The following CPNE8 variants were observed in gnomAD, a reference collection of about 807,000 sequenced individuals.
The protein encoded by CPNE8 is copine-8.
Under a neutral mutation model 81.5 loss-of-function variants are expected in CPNE8, and 45 were observed. That is an observed-to-expected ratio of 0.55 (90% CI 0.44 to 0.71). The LOEUF is 0.71. Ranked by LOEUF, CPNE8 falls within the 30% of genes least tolerant of loss-of-function variation. The pLI is 0.00. For synonymous variants in CPNE8, 252 were observed against 226.3 expected, an observed-to-expected ratio of 1.11 and a Z score of -1.02; for missense variants, 594 against 672.1, an observed-to-expected ratio of 0.88 and a Z score of 1.28.
intron 3 of CPNE8, among the ~76,000 whole-genome samples, chr12:38,869,620 G>A (rs1015637936): frequency 9.2e-5 from 14 of 152,214 alleles, no homozygotes; most frequent in African/African-American, 3.1e-4. Context: ...CAAAATGCTT[G>A]TCTCTTGCAT....
In CPNE8 at chr12:38,752,477, T is replaced by C. The variant is rs376141619; in HGVS notation, c.722+8370A>G. Among the ~76,000 whole-genome samples the C allele has an allele frequency of 7.7e-4, 117 of 152,238 alleles. 2 individuals are homozygous for C. In the South Asian group the frequency reaches 0.023, roughly 30 times the overall value. The stretch of plus-strand genomic sequence containing the variant: ...CCTGGGCCACCCCATAATTCAGCAA[T>C]TAAAAAGCTGGCTCTGGCAAAGAAA... On this transcript the variant is annotated intron_variant, in intron 10 of 19. Coordinates refer to ENST00000331366, the MANE Select transcript of CPNE8 (RefSeq NM_153634.3).
At chr12:38,810,507 C>T (rs966670290) in intron 6 of CPNE8, among the ~76,000 whole-genome samples, 8 of 152,178 alleles carry the variant, frequency 5.3e-5, no homozygotes, top group Non-Finnish European at 1.0e-4. Flanking sequence ...GAGTATTTCC[C>T]AACTCATCAT....
Position 38,693,841 on chromosome 12 carries a change from G to A in CPNE8, c.962-3C>T, listed in dbSNP as rs1365897437. 1 of 1,586,868 alleles carries A rather than the reference G, an allele frequency of 6.3e-7. No individual in the cohort carries two copies. ...GGAAGTGGGCTGAGCAGGGTTGCCTGATGACAGAACACATATTTCAAACAT... is the reference window on the plus strand; with the variant it reads ...GGAAGTGGGCTGAGCAGGGTTGCCTAATGACAGAACACATATTTCAAACAT... On this transcript the variant is annotated splice_polypyrimidine_tract_variant and splice_region_variant and intron_variant, in intron 14 of 19. Coordinates refer to ENST00000331366, the MANE Select transcript of CPNE8 (RefSeq NM_153634.3).
intron 6 of CPNE8, among the ~76,000 whole-genome samples, chr12:38,794,912 A>T (rs1455460917): frequency 1.3e-5 from 2 of 152,208 alleles, no homozygotes; most frequent in African/African-American, 4.8e-5. Context: ...ACTGGGCACC[A>T]TCCAATCAAT....
rs61937767 is a variant in CPNE8, at chr12:38,742,331, C to T, written c.723-11973G>A. Among the ~76,000 whole-genome samples, 729 of 152,084 alleles carry T rather than the reference C, an allele frequency of 4.8e-3. 5 individuals are homozygous for T. The highest frequency in any genetic ancestry group is 0.016 in the African/African-American group (670 of 41,492). ...AAGAAAATGTGGCACATATACACCA[C>T]GGAATACTATGCAGCCATAAAAAAT... On this transcript the variant is annotated intron_variant, in intron 10 of 19. Transcript: ENST00000331366.
In CPNE8 at chr12:38,841,323, T is replaced by G. The variant is rs189961461; in HGVS notation, c.291-1368A>C. The stretch of plus-strand genomic sequence containing the variant: ...GCCACTCTATAGAGATCGAATTTCT[T>G]GCCTCACCTTCTCTTTTAAAAAATA... On this transcript the variant is annotated intron_variant, in intron 4 of 19. Coordinates refer to ENST00000331366, the MANE Select transcript of CPNE8 (RefSeq NM_153634.3). 6.2e-3 allele frequency among the ~76,000 whole-genome samples: 948 copies of G among 152,306 alleles called. 1 individual carries two copies. Among genetic ancestry groups the G allele is most frequent in the Non-Finnish European group, 0.01 (706 of 68,012 alleles).
intron 16 of CPNE8, among the ~76,000 whole-genome samples, chr12:38,683,270 A>C (rs550325718): frequency 1.3e-5 from 2 of 152,288 alleles, no homozygotes; most frequent in South Asian, 4.1e-4. Flanking sequence ...AAATATACTT[A>C]AGGAAAATAA....
At chr12:38,856,888 A>C (rs1287118933) in intron 3 of CPNE8, among the ~76,000 whole-genome samples, 1 of 151,994 alleles carries the variant, frequency 6.6e-6, no homozygotes, top group African/African-American at 2.4e-5. Context: ...TTTATTTAAA[A>C]CTTTAGATGC....
chr12:38,679,811 A>T, intron 16 of CPNE8: 1 of 441,388 alleles, frequency 2.3e-6, no homozygotes, highest in Non-Finnish European at 3.0e-6. Flanking sequence ...TTATTTTAAA[A>T]ATATTATATA....
intron 8 of CPNE8, among the ~76,000 whole-genome samples, chr12:38,762,733 T>C (rs889122868): frequency 6.6e-6 from 1 of 152,210 alleles, no homozygotes; most frequent in Non-Finnish European, 1.5e-5. Context: ...GGTGTTCTTG[T>C]TTTTACTTTT....
intron 6 of CPNE8, among the ~76,000 whole-genome samples, chr12:38,798,360 ACT>A (rs1435608582): frequency 6.6e-6 from 1 of 152,186 alleles, no homozygotes; most frequent in East Asian, 1.9e-4. Context: ...CTCCGCAGAA[ACT>A]CTACAAGCCA....
chr12:38,842,569 CTTTTTTTTTTTTT>C (rs769891980), intron 4 of CPNE8, among the ~76,000 whole-genome samples: 2 of 110,834 alleles, frequency 1.8e-5, no homozygotes, highest in Non-Finnish European at 3.6e-5. Flanking sequence ...AACATTTTTC[CTTTTTTTTTTTTT>C]TTTTTTTTTT....
intron 6 of CPNE8, among the ~76,000 whole-genome samples, chr12:38,801,450 C>G (rs1043049776): frequency 8.6e-5 from 4 of 46,552 alleles, no homozygotes; most frequent in Admixed American, 2.9e-4. Flanking sequence ...TATAGACAAG[C>G]AAATGGTGAG....
chr12:38,787,177 T>A (rs1942212807), intron 6 of CPNE8, among the ~76,000 whole-genome samples: 1 of 152,074 alleles, frequency 6.6e-6, no homozygotes, highest in Admixed American at 6.6e-5. Context: ...ATCACATGGA[T>A]CATTCTCAAG....
At chr12:38,759,002 T>G (rs1224640325) in intron 10 of CPNE8, among the ~76,000 whole-genome samples, 2 of 152,214 alleles carry the variant, frequency 1.3e-5, no homozygotes, top group Non-Finnish European at 2.9e-5. Flanking sequence ...ATTAAAACCA[T>G]TTCCCAAACT....
At chr12:38,833,500 C>T (rs114254868) in intron 5 of CPNE8, among the ~76,000 whole-genome samples, 163 of 97,664 alleles carry the variant, frequency 1.7e-3, no homozygotes, top group African/African-American at 5.4e-3. Flanking sequence ...TTTTTTGAGA[C>T]GGGAGTCTTG....
At chr12:38,850,329 G>T (rs777451532) in intron 3 of CPNE8, among the ~76,000 whole-genome samples, 1 of 152,140 alleles carries the variant, frequency 6.6e-6, no homozygotes, top group South Asian at 2.1e-4. Context: ...CTCACACTCA[G>T]AGAGAATTTT....
intron 14 of CPNE8, among the ~76,000 whole-genome samples, chr12:38,700,015 G>A (rs1005202955): frequency 6.6e-6 from 1 of 151,974 alleles, no homozygotes; most frequent in Non-Finnish European, 1.5e-5. Flanking sequence ...CTGCAATAAG[G>A]ATACTTTTAT....
At chr12:38,829,034 T>C (rs370608802) in intron 6 of CPNE8, among the ~76,000 whole-genome samples, 274 of 152,318 alleles carry the variant, frequency 1.8e-3, no homozygotes, top group African/African-American at 6.2e-3. Flanking sequence ...AAATACATGG[T>C]ATTAACAGCA....
Sources: allele counts gnomAD v4.1 joint callset (sites outside exome capture counted in the v4.1 genomes callset), GRCh38; gene constraint gnomAD v4.1.1; transcripts MANE v1.5; gene names NCBI Gene and HGNC (gene_info 2026-07-23, HGNC 2026-07-21).